Variants in SLMAP observed in about 807,000 individuals in gnomAD.
The protein encoded by SLMAP is sarcolemmal membrane-associated protein.
SLMAP carries 44 observed loss-of-function variants against 128.8 expected under a neutral mutation model. The ratio of observed to expected loss-of-function variants is 0.34; its 90% CI spans 0.27 to 0.44. The LOEUF (loss-of-function observed/expected upper bound fraction) is 0.44. Among genes scored for constraint, SLMAP ranks in the 20% least tolerant of loss-of-function variants. SLMAP has a pLI of 1.00. For missense variants in SLMAP, 787 were observed against 985.3 expected (o/e 0.80, Z 2.69); for synonymous variants, 327 against 348.8 (o/e 0.94, Z 0.70).
At chr3:57,868,875 TATATATA>T (rs931308825) in intron 13 of SLMAP, among the ~76,000 whole-genome samples, 1 of 138,978 alleles carries the variant, frequency 7.2e-6, no homozygotes, top group African/African-American at 2.7e-5. Context: ...ATGTGTGTAT[TATATATA>T]ATATATATTA....
chr3:57,834,857 C>T (rs189740220), intron 3 of SLMAP, among the ~76,000 whole-genome samples: 1 of 152,106 alleles, frequency 6.6e-6, no homozygotes, highest in Non-Finnish European at 1.5e-5. Context: ...CATAGTGGCT[C>T]ATGCCTGTAA....
intron 17 of SLMAP, 101 bp from the exon 18 acceptor site, chr3:57,907,780 ATGT>A (rs1173053818): frequency 9.4e-7 from 1 of 1,062,754 alleles, no homozygotes; most frequent in African/African-American, 1.6e-5. Flanking sequence ...CAGTTGTTCT[ATGT>A]TGTTTATGCA....
chr3:57,782,306 A>G (rs2083243788), intron 2 of SLMAP, among the ~76,000 whole-genome samples: 1 of 152,000 alleles, frequency 6.6e-6, no homozygotes, highest in African/African-American at 2.4e-5. Flanking sequence ...GCTCTTTTGG[A>G]TATTGTGCAT....
intron 17 of SLMAP, among the ~76,000 whole-genome samples, chr3:57,906,332 T>TTTTTTTTTTC (rs1491216777): frequency 1.5e-5 from 2 of 136,954 alleles, no homozygotes; most frequent in Admixed American, 1.6e-4. Flanking sequence ...TTTTTTTTTT[T>TTTTTTTTTTC]AGAGACACAG....
Position 57,929,767 on chromosome 3 carries a change from G to T in SLMAP, c.*2478G>T, listed in dbSNP as rs1367516113. Among the ~76,000 whole-genome samples the T allele has an allele frequency of 6.6e-6, 1 of 152,176 alleles. No individual in the cohort carries two copies. The highest frequency in any genetic ancestry group is 1.9e-4 in the East Asian group (1 of 5,194). On this transcript the variant is annotated 3_prime_UTR_variant, in exon 25 of 25. Coordinates refer to ENST00000671191, the MANE Select transcript of SLMAP (RefSeq NM_001377540.1). ...GTTCTACCTTTTATCAGATGTTGTT[G>T]CCTTGTGCAAATCACATTTTCTCTG... is the stretch of plus-strand genomic sequence containing the variant.
At chr3:57,856,751 T>C (rs1005420674) in intron 6 of SLMAP, among the ~76,000 whole-genome samples, 1 of 152,226 alleles carries the variant, frequency 6.6e-6, no homozygotes, top group Non-Finnish European at 1.5e-5. Context: ...TAAAGTCATA[T>C]AATACTATTA....
At chr3:57,758,181 CT>C (rs2077936521) in intron 2 of SLMAP, among the ~76,000 whole-genome samples, 1 of 152,192 alleles carries the variant, frequency 6.6e-6, no homozygotes, top group Non-Finnish European at 1.5e-5. Flanking sequence ...CAGTTCAGCG[CT>C]TTATTAAGCA....
rs567969829 is a variant in SLMAP, at chr3:57,778,913, T to A, written c.198+21064T>A. On this transcript the variant is annotated intron_variant, in intron 2 of 24. Transcript: ENST00000671191. ...ACATGGTTACAATGCTGAATTTCTG[T>A]ATATCTATTGACCCAGCAGTTCTTC... Among the ~76,000 whole-genome samples, 112 of 152,288 alleles carry A rather than the reference T, an allele frequency of 7.4e-4. 1 individual carries two copies. Among genetic ancestry groups the A allele is most frequent in the African/African-American group, 2.2e-3 (92 of 41,554 alleles).
intron 2 of SLMAP, among the ~76,000 whole-genome samples, chr3:57,776,826 G>A (rs1047783940): frequency 6.6e-6 from 1 of 151,812 alleles, no homozygotes; most frequent in African/African-American, 2.4e-5. Context: ...TGCCTGGCCT[G>A]ATTTGTTTAT....
In SLMAP at chr3:57,916,448, G is replaced by C. The variant is rs543443463; in HGVS notation, c.2139-458G>C. Among the ~76,000 whole-genome samples the C allele has an allele frequency of 1.0e-3, 157 of 152,162 alleles. 1 individual carries two copies. Among genetic ancestry groups the C allele is most frequent in the African/African-American group, 3.6e-3 (150 of 41,516 alleles). ...TGTCTTATGCTCTTTTCTCAATTTG[G>C]TGTGTCTTCTCATTTGAACAGGTTT... On this transcript the variant is annotated intron_variant, in intron 21 of 24. Coordinates refer to ENST00000671191, the MANE Select transcript of SLMAP (RefSeq NM_001377540.1).
chr3:57,772,267 A>G lies in SLMAP; in HGVS notation c.198+14418A>G, dbSNP rs977723840. ...TGTATTGAAAGGCATTCCCCAGAAG[A>G]ACAGTCAGGAGGCAGTTGAGTCTGG... On this transcript the variant is annotated intron_variant, in intron 2 of 24. Coordinates refer to ENST00000671191, the MANE Select transcript of SLMAP (RefSeq NM_001377540.1). Among the ~76,000 whole-genome samples, 5 of 152,354 alleles carry G rather than the reference A, an allele frequency of 3.3e-5. No individual in the cohort carries two copies. The South Asian group carries it at 6.2e-4, about 19-fold the overall frequency.
intron 5 of SLMAP, among the ~76,000 whole-genome samples, 177 bp from the exon 6 acceptor site, chr3:57,849,577 A>G (rs1315485245): frequency 4.6e-5 from 7 of 152,244 alleles, no homozygotes; most frequent in African/African-American, 1.7e-4. Context: ...AGAAACGGCT[A>G]TATTTCCGTC....
chr3:57,896,944 T>C lies in SLMAP; in HGVS notation c.1501+12T>C, dbSNP rs771775271. 1 of 1,613,464 alleles carries C rather than the reference T, an allele frequency of 6.2e-7. No homozygotes were observed. On this transcript the variant is annotated intron_variant, in intron 17 of 24. Coordinates refer to ENST00000671191, the MANE Select transcript of SLMAP (RefSeq NM_001377540.1). Reference sequence around the variant, plus strand: ...GTCCCTTTTAAAAGGTACTTTAACATGTTTTTATGACATCGTAAACCAGGG... The same window carrying C: ...GTCCCTTTTAAAAGGTACTTTAACACGTTTTTATGACATCGTAAACCAGGG...
At chr3:57,879,786 C>G (rs1471075815) in intron 14 of SLMAP, among the ~76,000 whole-genome samples, 1 of 151,670 alleles carries the variant, frequency 6.6e-6, no homozygotes, top group Non-Finnish European at 1.5e-5. Flanking sequence ...ACTAAAAATA[C>G]AAAAAATTAG....
intron 17 of SLMAP, among the ~76,000 whole-genome samples, chr3:57,904,796 A>G (rs1407691155): frequency 2.0e-5 from 3 of 152,206 alleles, no homozygotes; most frequent in African/African-American, 7.2e-5. Context: ...TACTGAATCT[A>G]GTCGATAGAG....
chr3:57,794,835 T>G (rs1461759664), intron 2 of SLMAP, among the ~76,000 whole-genome samples: 5 of 152,236 alleles, frequency 3.3e-5, no homozygotes, highest in African/African-American at 7.2e-5. Context: ...CTGATGGACA[T>G]TTGAGTTTCT....
intron 17 of SLMAP, among the ~76,000 whole-genome samples, chr3:57,906,699 A>G (rs1183705906): frequency 1.5e-5 from 2 of 137,714 alleles, no homozygotes; most frequent in Non-Finnish European, 1.6e-5. Flanking sequence ...ATATATATAT[A>G]TAATTTCCAA....
At chr3:57,871,920 C>T (rs938273046) in intron 14 of SLMAP, among the ~76,000 whole-genome samples, 1 of 152,082 alleles carries the variant, frequency 6.6e-6, no homozygotes, top group African/African-American at 2.4e-5. Flanking sequence ...TAATAGCTAC[C>T]ATAAAAAAGA....
chr3:57,924,752 T>C (rs1446179130), intron 23 of SLMAP, among the ~76,000 whole-genome samples: 2 of 152,134 alleles, frequency 1.3e-5, no homozygotes, highest in African/African-American at 4.8e-5. Context: ...GGGCATTTAT[T>C]TTGAAGCTTG....
Sources: allele counts gnomAD v4.1 joint callset (sites outside exome capture counted in the v4.1 genomes callset), GRCh38; gene constraint gnomAD v4.1.1; transcripts MANE v1.5; gene names NCBI Gene and HGNC (gene_info 2026-07-23, HGNC 2026-07-21).